Variants in CSMD1 observed in about 807,000 individuals in gnomAD.
CSMD1 encodes CUB and sushi domain-containing protein 1.
Under a neutral mutation model 417.5 loss-of-function variants are expected in CSMD1, and 213 were observed. The ratio of observed to expected loss-of-function variants is 0.51; its 90% confidence interval spans 0.46 to 0.57. The LOEUF is 0.57. Ranked by LOEUF, CSMD1 falls within the 20% of genes least tolerant of loss-of-function variation. The pLI is 0.00. For missense variants in CSMD1, 6,923 were observed against 4,529.7 expected (o/e 1.53, Z -15.17); for synonymous variants, 2,862 against 1,736.8 (o/e 1.65, Z -16.11).
intron 7 of CSMD1, among the ~76,000 whole-genome samples, chr8:3,701,166 C>G (rs1244764829): frequency 6.6e-6 from 1 of 151,896 alleles, no homozygotes; most frequent in Non-Finnish European, 1.5e-5. Flanking sequence ...AACGTGACTC[C>G]CAAGTAAGCC....
At chr8:4,532,942 C>G (rs1329232537) in intron 2 of CSMD1, among the ~76,000 whole-genome samples, 2 of 152,114 alleles carry the variant, frequency 1.3e-5, no homozygotes, top group Admixed American at 6.5e-5. Flanking sequence ...CATTCACAGT[C>G]ACTCCGGAAG....
intron 14 of CSMD1, among the ~76,000 whole-genome samples, chr8:3,407,331 A>G (rs1415725209): frequency 6.6e-6 from 1 of 151,892 alleles, no homozygotes; most frequent in African/African-American, 2.4e-5. Flanking sequence ...GGATGGACAC[A>G]TGGATGAATG....
rs199854615 is a variant in CSMD1, at chr8:3,551,591, TATA to T, written c.1344+23351_1344+23353del. Among the ~76,000 whole-genome samples, 4 of 106,306 alleles carry T rather than the reference TATA, an allele frequency of 3.8e-5. No homozygotes were observed. In the South Asian group the frequency reaches 8.8e-4, roughly 23 times the overall value. The allele number at this position is 106,306 out of a possible 152,430, so 69.7% of individuals were successfully genotyped here. ...TCTAATAAATATGTATATATATATA[TATA>T]TATTTTTTTTTTTTTTTTTTCTGAA... On this transcript the variant is annotated intron_variant, in intron 10 of 69. Transcript: ENST00000635120.
intron 59 of CSMD1, among the ~76,000 whole-genome samples, chr8:2,964,160 A>T (rs1197053840): frequency 6.6e-6 from 1 of 152,242 alleles, no homozygotes; most frequent in African/African-American, 2.4e-5. Context: ...TTTCCAAGTG[A>T]CCCTGTAGGT....
At chr8:3,188,395 C>T (rs531952120) in intron 35 of CSMD1, among the ~76,000 whole-genome samples, 2 of 149,380 alleles carry the variant, frequency 1.3e-5, no homozygotes, top group South Asian at 4.2e-4. Context: ...CAACCTCCGC[C>T]TCCCAGGTTC....
Position 4,213,046 on chromosome 8 carries a change from C to T in CSMD1, c.416-180947G>A, listed in dbSNP as rs150475024. 4.9e-3 allele frequency among the ~76,000 whole-genome samples: 738 copies of T among 152,100 alleles called. 2 individuals carry two copies. Among genetic ancestry groups the T allele is most frequent in the Middle Eastern group, 0.017 (5 of 292 alleles). On this transcript the variant is annotated intron_variant, in intron 3 of 69. Coordinates refer to ENST00000635120, the MANE Select transcript of CSMD1 (RefSeq NM_033225.6). ...TAAAACTGAGTTACTAATTTAAGAC[C>T]CACTCTAAGGTCACTTTGAGCTAAT... is the stretch of plus-strand genomic sequence containing the variant.
At chr8:3,163,245 G>T (rs551081785) in intron 37 of CSMD1, among the ~76,000 whole-genome samples, 2 of 152,166 alleles carry the variant, frequency 1.3e-5, no homozygotes, top group African/African-American at 4.8e-5. Context: ...GTGGAGAAAG[G>T]CTTCTCTTGG....
chr8:4,375,726 C>G (rs1802691728), intron 3 of CSMD1, among the ~76,000 whole-genome samples: 1 of 152,152 alleles, frequency 6.6e-6, no homozygotes, highest in Non-Finnish European at 1.5e-5. Flanking sequence ...TCTTCCTCCT[C>G]ACTTCCCGAC....
chr8:3,304,627 T>C (rs1399084737), intron 25 of CSMD1, among the ~76,000 whole-genome samples: 1 of 152,186 alleles, frequency 6.6e-6, no homozygotes, highest in African/African-American at 2.4e-5. Context: ...AATTTGATAG[T>C]GTGTACCTCA....
intron 1 of CSMD1, among the ~76,000 whole-genome samples, chr8:4,734,912 T>C (rs901595411): frequency 1.3e-5 from 2 of 152,138 alleles, no homozygotes; most frequent in Non-Finnish European, 2.9e-5. Context: ...TATTTCCTTC[T>C]CCTAGGAGGT....
intron 12 of CSMD1, among the ~76,000 whole-genome samples, chr8:3,436,439 CG>C (rs1468521889): frequency 5.9e-5 from 9 of 152,134 alleles, no homozygotes; most frequent in Non-Finnish European, 1.3e-4. Context: ...TTGCTACTTA[CG>C]TAATCCCAGC....
intron 1 of CSMD1, among the ~76,000 whole-genome samples, chr8:4,694,194 A>T (rs184241687): frequency 4.9e-4 from 74 of 152,294 alleles, no homozygotes; most frequent in Admixed American, 4.3e-3. Context: ...TCTCTGAAAT[A>T]AATGCGTATC....
chr8:4,549,928 A>G (rs1185636900), intron 2 of CSMD1, among the ~76,000 whole-genome samples: 2 of 150,436 alleles, frequency 1.3e-5, no homozygotes, highest in Non-Finnish European at 2.9e-5. Context: ...AAAGAAAAGA[A>G]AAGACATTAC....
intron 15 of CSMD1, among the ~76,000 whole-genome samples, chr8:3,402,563 A>G (rs972207866): frequency 1.3e-5 from 2 of 152,194 alleles, no homozygotes; most frequent in Admixed American, 6.5e-5. Flanking sequence ...CATCCAGAAA[A>G]TTCTGCCAGA....
chr8:4,449,909 C>G (rs768004674), intron 2 of CSMD1, among the ~76,000 whole-genome samples: 7 of 152,218 alleles, frequency 4.6e-5, no homozygotes, highest in Admixed American at 6.5e-5. Flanking sequence ...TGTATAAAAC[C>G]TGGGCACCAT....
At chr8:4,046,337 T>C (rs886553737) in intron 3 of CSMD1, among the ~76,000 whole-genome samples, 14 of 152,202 alleles carry the variant, frequency 9.2e-5, no homozygotes, top group African/African-American at 9.6e-5. Flanking sequence ...CTTCTAAAAA[T>C]AGACTCAATG....
rs183377727 is a variant in CSMD1 at position 3,182,082 on chromosome 8, C to G, written c.5621-868G>C. 1.1e-3 allele frequency among the ~76,000 whole-genome samples: 167 copies of G among 152,246 alleles called. 1 individual carries two copies. The Middle Eastern group carries it at 0.014, about 12-fold the overall frequency. Reference sequence around the variant, plus strand: ...ACTATCCATTGTGTAAAAATAACCACAGTGTAGATAAATTATTCAAGTACT... The same window carrying G: ...ACTATCCATTGTGTAAAAATAACCAGAGTGTAGATAAATTATTCAAGTACT... On this transcript the variant is annotated intron_variant, in intron 36 of 69. Coordinates refer to ENST00000635120, the MANE Select transcript of CSMD1 (RefSeq NM_033225.6).
intron 3 of CSMD1, among the ~76,000 whole-genome samples, chr8:4,414,011 C>G (rs895015650): frequency 1.3e-5 from 2 of 152,162 alleles, no homozygotes; most frequent in African/African-American, 4.8e-5. Context: ...GAGCCAGCTG[C>G]TCTTCTTGTG....
chr8:4,820,996 G>A lies in CSMD1; in HGVS notation c.85+173336C>T, dbSNP rs541198739. Among the ~76,000 whole-genome samples, 27 of 152,206 alleles carry A rather than the reference G, an allele frequency of 1.8e-4. No homozygotes were observed. The South Asian group carries it at 3.5e-3, about 20-fold the overall frequency. ...AAATGGTAAGAGACACAATCTGCAC[G>A]TAGTCATTAGAATGTCTCAGATCGC... On this transcript the variant is annotated intron_variant, in intron 1 of 69. Coordinates refer to ENST00000635120, the MANE Select transcript of CSMD1 (RefSeq NM_033225.6).
Sources: gnomAD v4.1 joint callset for allele counts (sites outside exome capture counted in the v4.1 genomes callset) on GRCh38, gnomAD v4.1.1 for gene constraint, MANE v1.5 for transcripts, NCBI Gene and HGNC (gene_info 2026-07-23, HGNC 2026-07-21) for gene names.